The following TTLL11 variants were observed in gnomAD, a reference collection of about 807,000 sequenced individuals.
The protein encoded by TTLL11 is tubulin tyrosine ligase like 11.
Under a neutral mutation model 51.7 loss-of-function variants are expected in TTLL11, and 42 were observed. The observed-to-expected ratio is 0.81, with a 90% CI of 0.64 to 1.05. The LOEUF (loss-of-function observed/expected upper bound fraction) is 1.05, where lower values mean the gene tolerates loss of function less well. Among genes scored for constraint, TTLL11 ranks in the 50% least tolerant of loss-of-function variants. The probability of loss-of-function intolerance (pLI) is 0.00; values close to 1 mark genes in which losing one functional copy is unlikely to be tolerated. For synonymous variants in TTLL11, 381 were observed against 383.5 expected (o/e 0.99, Z 0.08); for missense variants, 799 against 940.4 (o/e 0.85, Z 1.97).
intron 3 of TTLL11, among the ~76,000 whole-genome samples, chr9:122,025,525 T>C (rs1200924241): frequency 6.6e-6 from 1 of 152,128 alleles, no homozygotes; most frequent in African/African-American, 2.4e-5. Context: ...TCCAGCTACT[T>C]GGGAGGATCG....
intron 3 of TTLL11, among the ~76,000 whole-genome samples, chr9:121,999,491 C>T (rs774739245): frequency 7.2e-5 from 11 of 152,160 alleles, no homozygotes; most frequent in Non-Finnish European, 1.3e-4. Flanking sequence ...TCACTCACCC[C>T]CACCCAGTCA....
At chr9:122,068,973 G>A (rs1038904137) in intron 1 of TTLL11, among the ~76,000 whole-genome samples, 12 of 152,170 alleles carry the variant, frequency 7.9e-5, no homozygotes, top group African/African-American at 1.9e-4. Flanking sequence ...ACAGATGGAC[G>A]GATCTTGCGC....
At chr9:121,844,956 C>T (rs1588064949) in intron 8 of TTLL11, among the ~76,000 whole-genome samples, 3 of 152,054 alleles carry the variant, frequency 2.0e-5, no homozygotes, top group South Asian at 2.1e-4. Flanking sequence ...GATTTGAAGC[C>T]GTAATATTTG....
intron 8 of TTLL11, among the ~76,000 whole-genome samples, chr9:121,850,966 C>T (rs764964556): frequency 3.9e-5 from 6 of 152,204 alleles, no homozygotes; most frequent in Admixed American, 6.5e-5. Context: ...AGTGAATAGA[C>T]GAACAAACTG....
chr9:121,961,720 A>C (rs182378232), intron 6 of TTLL11, among the ~76,000 whole-genome samples: 2 of 152,350 alleles, frequency 1.3e-5, no homozygotes, highest in East Asian at 3.9e-4. Context: ...GATGTTCAAG[A>C]AGAGTTATAA....
At chr9:121,873,456 T>C (rs1322895745) in intron 6 of TTLL11, among the ~76,000 whole-genome samples, 1 of 150,084 alleles carries the variant, frequency 6.7e-6, no homozygotes, top group Non-Finnish European at 1.5e-5. Flanking sequence ...ATTACAGGCA[T>C]GCGCCACCAC....
At chr9:122,036,297 A>G (rs1256504666) in intron 2 of TTLL11, among the ~76,000 whole-genome samples, 1 of 151,816 alleles carries the variant, frequency 6.6e-6, no homozygotes, top group African/African-American at 2.4e-5. Flanking sequence ...CCCCCTCCTC[A>G]GGTGGGCTCT....
intron 6 of TTLL11, among the ~76,000 whole-genome samples, chr9:121,899,660 T>C (rs564486007): frequency 6.6e-6 from 1 of 152,178 alleles, no homozygotes; most frequent in African/African-American, 2.4e-5. Context: ...TGCCTCAGTC[T>C]CCCAAAGTGC....
In TTLL11 at chr9:121,889,311, G is replaced by C. The variant is rs1588097814; in HGVS notation, c.1482-18563C>G. 3.9e-5 allele frequency among the ~76,000 whole-genome samples: 6 copies of C among 152,220 alleles called. No homozygotes were observed. In the South Asian group the frequency reaches 1.2e-3, roughly 32 times the overall value. The stretch of plus-strand genomic sequence containing the variant: ...CACGAGGAGCTCTGGAGTTGGGCTG[G>C]ATTTGCTCGCTATGTGATTTTGGGC... On this transcript the variant is annotated intron_variant, in intron 6 of 8. Transcript: ENST00000321582.
At chr9:121,907,413 G>T (rs939902713) in intron 6 of TTLL11, among the ~76,000 whole-genome samples, 3 of 150,522 alleles carry the variant, frequency 2.0e-5, no homozygotes, top group African/African-American at 4.9e-5. Flanking sequence ...TCATGCCACT[G>T]CACTCCAGCC....
intron 3 of TTLL11, among the ~76,000 whole-genome samples, chr9:122,011,184 T>C (rs1474138015): frequency 6.6e-6 from 1 of 152,082 alleles, no homozygotes; most frequent in Non-Finnish European, 1.5e-5. Context: ...CCATGTAAGA[T>C]GTACCTTTTG....
chr9:121,919,959 C>T (rs185724692), intron 6 of TTLL11, among the ~76,000 whole-genome samples: 6 of 151,668 alleles, frequency 4.0e-5, no homozygotes, highest in East Asian at 3.9e-4. Context: ...GTGCCAAGCA[C>T]GGTTTGAAGT....
At chr9:121,926,576 G>A (rs959807005) in intron 6 of TTLL11, among the ~76,000 whole-genome samples, 4 of 152,220 alleles carry the variant, frequency 2.6e-5, no homozygotes, top group African/African-American at 9.6e-5. Flanking sequence ...GGATCCTGAG[G>A]CTGGGGAGGA....
intron 3 of TTLL11, among the ~76,000 whole-genome samples, chr9:122,019,602 A>C (rs1008777774): frequency 6.6e-6 from 1 of 151,996 alleles, no homozygotes; most frequent in Non-Finnish European, 1.5e-5. Context: ...GACACATACC[A>C]CCACACCCGG....
At chr9:122,046,902 A>G (rs2131839872) in intron 1 of TTLL11, among the ~76,000 whole-genome samples, 1 of 152,370 alleles carries the variant, frequency 6.6e-6, no homozygotes, top group African/African-American at 2.4e-5. Context: ...TCAGGTACTC[A>G]TTAGGTGTTG....
chr9:121,920,002 A>G (rs188998295), intron 6 of TTLL11, among the ~76,000 whole-genome samples: 17 of 152,288 alleles, frequency 1.1e-4, no homozygotes, highest in Admixed American at 9.8e-4. Context: ...TTTAAAATCA[A>G]TGTTTTTTAG....
intron 6 of TTLL11, among the ~76,000 whole-genome samples, chr9:121,895,839 G>C (rs1839486733): frequency 2.2e-3 from 3 of 1,364 alleles, no homozygotes; most frequent in African/African-American, 7.4e-3. Context: ...GTGTATGTGT[G>C]GTTGTGTGTA....
chr9:122,074,255 CAG>C (rs377283250), intron 1 of TTLL11, among the ~76,000 whole-genome samples: 17 of 143,210 alleles, frequency 1.2e-4, no homozygotes, highest in African/African-American at 4.5e-4. Context: ...GCCTGGGCGA[CAG>C]AGCAAGGCTT....
chr9:121,972,300 T>C (rs1842599590), intron 6 of TTLL11, among the ~76,000 whole-genome samples: 1 of 152,240 alleles, frequency 6.6e-6, no homozygotes, highest in Non-Finnish European at 1.5e-5. Context: ...AATAGATTTT[T>C]GAGGAATGAG....
Sources: gnomAD v4.1 joint callset for allele counts (sites outside exome capture counted in the v4.1 genomes callset) on GRCh38, gnomAD v4.1.1 for gene constraint, MANE v1.5 for transcripts, NCBI Gene and HGNC (gene_info 2026-07-23, HGNC 2026-07-21) for gene names.